Variants in CFAP54 observed in about 807,000 individuals in gnomAD.
CFAP54 encodes cilia- and flagella-associated protein 54.
A neutral mutation model predicts 370.4 loss-of-function variants in CFAP54; 290 were observed. The observed-to-expected ratio is 0.78, with a 90% CI of 0.71 to 0.86. The LOEUF is 0.86. Ranked by LOEUF, CFAP54 falls within the 40% of genes least tolerant of loss-of-function variation. The pLI is 0.00. For missense variants in CFAP54, 3,399 were observed against 3,528.7 expected (o/e 0.96, Z 0.93); for synonymous variants, 1,206 against 1,236.5 (o/e 0.98, Z 0.52).
At chr12:96,732,339 C>T (rs1957930559) in intron 50 of CFAP54, among the ~76,000 whole-genome samples, 1 of 152,074 alleles carries the variant, frequency 6.6e-6, no homozygotes, top group African/African-American at 2.4e-5. Context: ...ACCATGTTGG[C>T]CAGGCTGGTC....
Position 96,592,510 on chromosome 12 carries a change from C to A in CFAP54, c.3233C>A (p.Ala1078Glu). 2 of 716,498 alleles carry A rather than the reference C, an allele frequency of 2.8e-6. No homozygotes were observed. The highest frequency in any genetic ancestry group is 1.8e-5 in the African/African-American group (1 of 54,292). The allele number at this position is 716,498 out of a possible 1,614,324, so 44.4% of individuals were successfully genotyped here. A position where few individuals can be genotyped will look rare whatever the true frequency, so the allele number is the denominator to read the frequency against. ...TGCAGATTACATTCAGATATTTTGGCAGAGACTTCTTCAATCCTCTTGTAC... is the reference window on the plus strand; with the variant it reads ...TGCAGATTACATTCAGATATTTTGGAAGAGACTTCTTCAATCCTCTTGTAC... ...TQRRLHSDIL[A>E]ETSSILLYLF... Residue 1078 changes from alanine (A) to glutamate (E), a missense_variant, in exon 24 of 68, where the codon GCA becomes GAA. Around this residue, in one of 3 missense-constraint regions of CFAP54, gnomAD observed 2,796 missense variants for 2,869.7 expected, o/e 0.97. Coordinates refer to ENST00000524981, the MANE Select transcript of CFAP54 (RefSeq NM_001306084.2).
intron 26 of CFAP54, among the ~76,000 whole-genome samples, chr12:96,609,483 C>A (rs992768446): frequency 6.6e-6 from 1 of 152,088 alleles, no homozygotes; most frequent in South Asian, 2.1e-4. Flanking sequence ...AAATATCATA[C>A]TGAATGGCAA....
chr12:96,519,330 C>G (rs1955277530), intron 6 of CFAP54, among the ~76,000 whole-genome samples: 1 of 152,156 alleles, frequency 6.6e-6, no homozygotes, highest in African/African-American at 2.4e-5. Context: ...AACTCCTGAC[C>G]TCAGGTGATC....
intron 58 of CFAP54, among the ~76,000 whole-genome samples, chr12:96,763,846 GA>G (rs1376129648): frequency 2.6e-5 from 4 of 151,796 alleles, no homozygotes; most frequent in Admixed American, 2.6e-4. Flanking sequence ...TAGAAAATTA[GA>G]AAAAAATGAT....
At chr12:96,816,120 G>A (rs1230150188) in intron 64 of CFAP54, among the ~76,000 whole-genome samples, 1 of 152,154 alleles carries the variant, frequency 6.6e-6, no homozygotes, top group Non-Finnish European at 1.5e-5. Flanking sequence ...GTAGCTTGAT[G>A]GGAATAGCAT....
At chr12:96,503,047 C>A (rs1955048164) in intron 2 of CFAP54, among the ~76,000 whole-genome samples, 1 of 140,202 alleles carries the variant, frequency 7.1e-6, no homozygotes, top group Non-Finnish European at 1.5e-5. Context: ...TTCCTCTCTC[C>A]CTCCCTTCCT....
chr12:96,674,751 A>C (rs1957185405), intron 39 of CFAP54, among the ~76,000 whole-genome samples: 1 of 152,304 alleles, frequency 6.6e-6, no homozygotes, highest in South Asian at 2.1e-4. Context: ...CTAGAATGTA[A>C]GCTTGGTGAG....
intron 65 of CFAP54, among the ~76,000 whole-genome samples, 191 bp downstream of exon 65, chr12:96,818,104 G>A (rs532598592): frequency 2.6e-4 from 39 of 152,234 alleles, no homozygotes; most frequent in Middle Eastern, 3.4e-3. Flanking sequence ...CTAAGCATAC[G>A]AATTACAAGA....
rs747823195 is a variant in CFAP54 at position 96,718,548 on chromosome 12, A to G, written c.6804+26A>G. 1.1e-5 allele frequency: 16 copies of G among 1,412,506 alleles called. No homozygotes were observed. In the East Asian group the frequency reaches 3.0e-4, roughly 26 times the overall value. 87.5% of individuals were successfully genotyped at this position (1,412,506 alleles called of 1,614,324 possible). On this transcript the variant is annotated intron_variant, in intron 49 of 67. Coordinates refer to ENST00000524981, the MANE Select transcript of CFAP54 (RefSeq NM_001306084.2). ...GTAAGTTTGAAACTGTTTTCAAACCATTAAGTTAGTTACCAAAAATCCACT... is the reference window on the plus strand; with the variant it reads ...GTAAGTTTGAAACTGTTTTCAAACCGTTAAGTTAGTTACCAAAAATCCACT...
intron 26 of CFAP54, among the ~76,000 whole-genome samples, chr12:96,608,623 G>A (rs144599450): frequency 0.015 from 2,311 of 151,810 alleles, 56 homozygotes; most frequent in African/African-American, 0.053. Flanking sequence ...CACTACGCCC[G>A]CTTAGTTTTT....
chr12:96,533,696 TTG>T, intron 9 of CFAP54, 94 bp from the exon 10 acceptor site: 1 of 895,954 alleles, frequency 1.1e-6, no homozygotes, highest in East Asian at 2.9e-5. Flanking sequence ...AAAGCAGGGA[TTG>T]TGTTTTCCTG....
chr12:96,684,945 G>A (rs1957310058), intron 41 of CFAP54, 84 bp from the exon 42 acceptor site: 23 of 1,308,194 alleles, frequency 1.8e-5, no homozygotes, highest in Middle Eastern at 1.8e-4. Flanking sequence ...ACGTTGCTTC[G>A]GTGTATTTGC....
chr12:96,699,977 G>A lies in CFAP54; in HGVS notation c.6358G>A (p.Val2120Ile), dbSNP rs770197931. 5 of 1,570,058 alleles carry A rather than the reference G, an allele frequency of 3.2e-6. No homozygotes were observed. Among genetic ancestry groups the A allele is most frequent in the East Asian group, 2.3e-5 (1 of 44,092 alleles). Residue 2120 changes from valine to isoleucine, a missense_variant, in exon 46 of 68, where the codon GTC (valine) becomes ATC (isoleucine). Val to Ile is a conservative substitution (Grantham distance 29). Transcript: ENST00000524981. The stretch of plus-strand genomic sequence containing the variant: ...TATTTCCTTTCCTTTACAGATAGAA[G>A]TCCTTATAGATTTGAGATTCTTTTC... ...NLEARILKIE[V>I]LIDLRFFSEA...
intron 13 of CFAP54, 28 bp downstream of exon 13, chr12:96,538,546 G>GA: frequency 6.6e-7 from 1 of 1,525,340 alleles, no homozygotes; most frequent in Admixed American, 2.0e-5. Flanking sequence ...CCTTTCACGT[G>GA]TTTTTTTTGC....
At chr12:96,651,417 C>T (rs530859747) in intron 35 of CFAP54, among the ~76,000 whole-genome samples, 171 bp from the exon 36 acceptor site, 17 of 152,186 alleles carry the variant, frequency 1.1e-4, no homozygotes, top group African/African-American at 2.9e-4. Flanking sequence ...AATCTTTGTT[C>T]GAAGTAAATG....
At chr12:96,795,736 G>C (rs1221713423) in intron 63 of CFAP54, among the ~76,000 whole-genome samples, 2 of 152,072 alleles carry the variant, frequency 1.3e-5, no homozygotes, top group African/African-American at 4.8e-5. Flanking sequence ...AGGACTTTCA[G>C]GTTTCGAGCC....
At chr12:96,644,448 A>G in intron 33 of CFAP54, 40 bp downstream of exon 33, 1 of 1,334,078 alleles carries the variant, frequency 7.5e-7, no homozygotes, top group Non-Finnish European at 1.0e-6. Context: ...TTTTAGTTTC[A>G]TGAACATGGA....
chr12:96,537,820 G>A (rs537630908), intron 12 of CFAP54, among the ~76,000 whole-genome samples: 1 of 151,946 alleles, frequency 6.6e-6, no homozygotes, highest in South Asian at 2.1e-4. Context: ...GGGTCACGGT[G>A]GCTCACACTG....
intron 14 of CFAP54, among the ~76,000 whole-genome samples, chr12:96,542,806 A>C (rs918004574): frequency 2.0e-5 from 3 of 152,198 alleles, no homozygotes; most frequent in Non-Finnish European, 2.9e-5. Context: ...GGTTTGTTCC[A>C]ATCAGAATCC....
Sources: allele counts gnomAD v4.1 joint callset (sites outside exome capture counted in the v4.1 genomes callset), GRCh38; gene constraint gnomAD v4.1.1; regional missense constraint gnomAD v4.1.1; transcripts MANE v1.5; gene names NCBI Gene and HGNC (gene_info 2026-07-23, HGNC 2026-07-21).